ST3GAL5: variants seen among roughly 807,000 people sequenced by gnomAD.
ST3GAL5 encodes lactosylceramide alpha-2,3-sialyltransferase.
Under a neutral mutation model 46.1 loss-of-function variants are expected in ST3GAL5, and 25 were observed. The observed-to-expected ratio is 0.54, with a 90% CI of 0.40 to 0.76. The LOEUF is 0.76. Ranked by LOEUF, ST3GAL5 falls within the 30% of genes least tolerant of loss-of-function variation. The probability of loss-of-function intolerance (pLI) is 0.00; values close to 1 mark genes in which losing one functional copy is unlikely to be tolerated. For synonymous variants in ST3GAL5, 182 were observed against 192.7 expected, an observed-to-expected ratio of 0.94 and a Z score of 0.46; for missense variants, 431 against 521.2, an observed-to-expected ratio of 0.83 and a Z score of 1.69.
At chr2:85,866,580 A>ATG (rs1685310734) in intron 1 of ST3GAL5, among the ~76,000 whole-genome samples, 1 of 152,288 alleles carries the variant, frequency 6.6e-6, no homozygotes, top group South Asian at 2.1e-4. Context: ...TTTGCACAGG[A>ATG]TGTGCTCACA....
chr2:85,888,918 G>T lies in ST3GAL5; in HGVS notation c.-13C>A, dbSNP rs777248529. The T allele has an allele frequency of 3.0e-6, 4 of 1,344,936 alleles. No homozygotes were observed. In the South Asian group the frequency reaches 6.9e-5, roughly 23 times the overall value. 83.3% of individuals were successfully genotyped at this position (1,344,936 alleles called of 1,614,324 possible). ...CCTTCGTCCGCATACTAATGAGGGG[G>T]CGCCGGCCGGCCGCCAGCCCGGTAC... On this transcript the variant is annotated 5_prime_UTR_variant, in exon 1 of 7. Coordinates refer to ENST00000638572, the MANE Select transcript of ST3GAL5 (RefSeq NM_003896.4).
At chr2:85,862,797 T>C (rs1684868382) in intron 2 of ST3GAL5, among the ~76,000 whole-genome samples, 1 of 152,202 alleles carries the variant, frequency 6.6e-6, no homozygotes, top group South Asian at 2.1e-4. Context: ...GAAGACTAGA[T>C]TGCAAGGTTG....
rs1271690232 is a variant in ST3GAL5 at position 85,846,437 on chromosome 2, A to G, written c.789T>C (p.Ala263=). 6.2e-7 allele frequency: 1 copy of G among 1,614,246 alleles called. No individual in the cohort carries two copies. The highest frequency in any genetic ancestry group is 1.7e-5 in the Admixed American group (1 of 60,036). The change falls in exon 5 of 7, where the codon GCT becomes GCC. Residue 263 remains alanine, a synonymous_variant. Coordinates refer to ENST00000638572, the MANE Select transcript of ST3GAL5 (RefSeq NM_003896.4). ...TGAAATCAACACTCTTAAATAAAAC[A>G]GCAACAAATAAGTCATTGGAATAAT... ...LEYYSNDLFV[A]VLFKSVDFNW...
chr2:85,851,736 C>T (rs1683534835), intron 3 of ST3GAL5: 3 of 1,289,156 alleles, frequency 2.3e-6, no homozygotes, highest in African/African-American at 1.5e-5. Flanking sequence ...TGTGACTAGG[C>T]TGTGAGGACT....
rs545689125 is a variant in ST3GAL5 at position 85,848,408 on chromosome 2, A to G, written c.319-204T>C. 2.0e-5 allele frequency: 31 copies of G among 1,533,530 alleles called. No individual in the cohort carries two copies. In the African/African-American group the frequency reaches 4.3e-4, roughly 21 times the overall value. The allele number at this position is 1,533,530 out of a possible 1,614,324, so 95.0% of individuals were successfully genotyped here. On this transcript the variant is annotated intron_variant, in intron 3 of 6. Transcript: ENST00000638572. ...TGGGAGAATCACATGACAAGGAGAT[A>G]AACACAGCAGGGTATTCATTTCATT...
chr2:85,864,950 C>A (rs968169654), intron 1 of ST3GAL5, among the ~76,000 whole-genome samples: 1 of 152,170 alleles, frequency 6.6e-6, no homozygotes, highest in Non-Finnish European at 1.5e-5. Flanking sequence ...CTCCTGTATC[C>A]CCTCTGCCTC....
chr2:85,879,944 G>T (rs1686970637), intron 1 of ST3GAL5, among the ~76,000 whole-genome samples: 1 of 152,170 alleles, frequency 6.6e-6, no homozygotes. Flanking sequence ...TAAGGTTTTG[G>T]ACTATAAAAG....
intron 3 of ST3GAL5, chr2:85,853,472 T>C (rs1163713243): frequency 4.9e-6 from 1 of 202,326 alleles, no homozygotes; most frequent in Non-Finnish European, 1.0e-5. Context: ...CCCACCCTTA[T>C]GGCTCTGAGA....
intron 1 of ST3GAL5, among the ~76,000 whole-genome samples, chr2:85,886,340 CAGG>C (rs1327308357): frequency 6.6e-6 from 1 of 152,116 alleles, no homozygotes; most frequent in Non-Finnish European, 1.5e-5. Flanking sequence ...GAGGCTAAGG[CAGG>C]AGGATTGCTT....
chr2:85,856,008 A>C (rs1045448629), intron 3 of ST3GAL5: 9 of 152,260 alleles, frequency 5.9e-5, no homozygotes, highest in Admixed American at 1.3e-4. Context: ...AATGTAAAAT[A>C]ATGCAACCAT....
At chr2:85,861,014 T>G in intron 3 of ST3GAL5, 167 bp downstream of exon 3, 1 of 631,496 alleles carries the variant, frequency 1.6e-6, no homozygotes, top group Non-Finnish European at 2.9e-6. Context: ...TGGTGGGTTT[T>G]TAGAAGAAGG....
At chr2:85,844,714 G>T in intron 5 of ST3GAL5, 160 bp from the exon 6 acceptor site, 1 of 938,958 alleles carries the variant, frequency 1.1e-6, no homozygotes, top group Non-Finnish European at 1.6e-6. Context: ...ACGCAAATCC[G>T]GCACTCCAAC....
At chr2:85,886,096 T>C (rs1687725786) in intron 1 of ST3GAL5, among the ~76,000 whole-genome samples, 1 of 152,180 alleles carries the variant, frequency 6.6e-6, no homozygotes, top group Non-Finnish European at 1.5e-5. Flanking sequence ...GGCAGCATCA[T>C]GAGTGATTCT....
At chr2:85,843,667 GT>G (rs1682413682) in intron 6 of ST3GAL5, among the ~76,000 whole-genome samples, 1 of 152,136 alleles carries the variant, frequency 6.6e-6, no homozygotes, top group African/African-American at 2.4e-5. Context: ...CAGGTCTTAA[GT>G]TTTAAAGACA....
At chr2:85,868,219 G>A (rs1278920396) in intron 1 of ST3GAL5, among the ~76,000 whole-genome samples, 1 of 152,236 alleles carries the variant, frequency 6.6e-6, no homozygotes, top group Non-Finnish European at 1.5e-5. Flanking sequence ...GGCAGTTGAA[G>A]GTTGGATTAC....
At chr2:85,845,208 T>C (rs1428345592) in intron 5 of ST3GAL5, 1 of 155,920 alleles carries the variant, frequency 6.4e-6, no homozygotes, top group Non-Finnish European at 1.4e-5. Context: ...TAAAGTAATG[T>C]GACCAATAAA....
chr2:85,855,598 G>T (rs1241352424), intron 3 of ST3GAL5: 1 of 152,064 alleles, frequency 6.6e-6, no homozygotes, highest in East Asian at 1.9e-4. Flanking sequence ...AGGTAAATTG[G>T]GTTTCATCAG....
chr2:85,867,339 G>T (rs576396758), intron 1 of ST3GAL5, among the ~76,000 whole-genome samples: 209 of 152,258 alleles, frequency 1.4e-3, no homozygotes, highest in Non-Finnish European at 2.1e-3. Flanking sequence ...ATTTTAATGA[G>T]ATCCTGGGAC....
intron 3 of ST3GAL5, chr2:85,860,779 G>A (rs1218493724): frequency 4.3e-6 from 1 of 233,196 alleles, no homozygotes; most frequent in East Asian, 1.1e-4. Context: ...AGGCTGAGGT[G>A]GCCGTGTTCT....
Sources: gnomAD v4.1 joint callset for allele counts (sites outside exome capture counted in the v4.1 genomes callset) on GRCh38, gnomAD v4.1.1 for gene constraint, MANE v1.5 for transcripts, NCBI Gene and HGNC (gene_info 2026-07-23, HGNC 2026-07-21) for gene names.